The following SEC24B variants were observed in gnomAD, a reference collection of about 807,000 sequenced individuals.
SEC24B encodes SEC24 homolog B, COPII component.
Under a neutral mutation model 142.8 loss-of-function variants are expected in SEC24B, and 45 were observed. The observed-to-expected ratio is 0.32, with a 90% confidence interval of 0.25 to 0.40. The LOEUF (loss-of-function observed/expected upper bound fraction) is 0.40, where lower values mean the gene tolerates loss of function less well. Ranked by LOEUF, SEC24B falls within the 10% of genes least tolerant of loss-of-function variation. The pLI is 1.00. For missense variants in SEC24B, 1,409 were observed against 1,526.8 expected (o/e 0.92, Z 1.29); for synonymous variants, 574 against 568.2 (o/e 1.01, Z -0.15).
chr4:109,444,234 A>G (rs1729217634), intron 1 of SEC24B, among the ~76,000 whole-genome samples: 1 of 149,612 alleles, frequency 6.7e-6, no homozygotes, highest in South Asian at 2.1e-4. Context: ...AAAAAAAAAG[A>G]ATAGTTTTTA....
chr4:109,491,366 T>G lies in SEC24B; in HGVS notation c.1205T>G (p.Met402Arg). 6.2e-7 allele frequency: 1 copy of G among 1,613,816 alleles called. No individual in the cohort carries two copies. The highest frequency in any genetic ancestry group is 8.5e-7 in the Non-Finnish European group (1 of 1,179,728). Residue 402 changes from methionine (M) to arginine (R), a missense_variant, in exon 5 of 24, where the codon ATG becomes AGG. Coordinates refer to ENST00000265175, the MANE Select transcript of SEC24B (RefSeq NM_006323.5). ...SSSTTSSASP[M>R]PNSYDALEGG... is the part of the protein sequence containing the mutation. ...TCTACCACAAGCAGTGCTTCTCCAA[T>G]GCCCAACAGTTATGATGCCCTGGAA...
chr4:109,442,497 C>T (rs1729028024), intron 1 of SEC24B, among the ~76,000 whole-genome samples: 1 of 152,072 alleles, frequency 6.6e-6, no homozygotes, highest in Admixed American at 6.5e-5. Flanking sequence ...CGATCTGATT[C>T]TACCTCAAAG....
At chr4:109,506,274 A>G in intron 6 of SEC24B, 54 bp from the exon 7 acceptor site, 1 of 1,327,744 alleles carries the variant, frequency 7.5e-7, no homozygotes, top group Non-Finnish European at 9.9e-7. Context: ...TATATATAAG[A>G]AAATTTATTT....
chr4:109,481,550 T>C (rs1009824007), intron 3 of SEC24B, 127 bp from the exon 4 acceptor site: 61 of 649,104 alleles, frequency 9.4e-5, no homozygotes, highest in Non-Finnish European at 2.2e-5. Context: ...TTTGCTAATA[T>C]TAATATGCAT....
intron 11 of SEC24B, 21 bp downstream of exon 11, chr4:109,516,661 T>C: frequency 7.8e-7 from 1 of 1,282,252 alleles, no homozygotes. Context: ...TTTTAATTCA[T>C]ACTATACATA....
At position 109,458,391 on chromosome 4, in the gene SEC24B, T is replaced by G. The variant is rs182695010; in HGVS notation, c.134-4510T>G. Among the ~76,000 whole-genome samples, 349 of 152,322 alleles carry G rather than the reference T, an allele frequency of 2.3e-3. 3 individuals carry two copies. The highest frequency in any genetic ancestry group is 0.019 in the Admixed American group (290 of 15,294). ...TTGGCTTCTGGGCCCACTTTGATTC[T>G]GATCTCTACCTCCCTTATTGCTGGG... is the stretch of plus-strand genomic sequence containing the variant. On this transcript the variant is annotated intron_variant, in intron 1 of 23. Transcript: ENST00000265175.
chr4:109,510,166 G>T, intron 8 of SEC24B, 55 bp downstream of exon 8: 2 of 857,192 alleles, frequency 2.3e-6, no homozygotes, highest in East Asian at 2.9e-5. Context: ...TTATGTACAA[G>T]GTACTTAAAT....
chr4:109,434,841 GCCGCTTTCATATTAAGGTCGTGGGC>G (rs1190988202), intron 1 of SEC24B, among the ~76,000 whole-genome samples: 1 of 152,200 alleles, frequency 6.6e-6, no homozygotes, highest in Non-Finnish European at 1.5e-5. Context: ...CAGCACGAAA[GCCGCTTTCATATTAAGGTCGTGGGC>G]TTTTAGTAGG....
intron 1 of SEC24B, among the ~76,000 whole-genome samples, chr4:109,446,124 C>T (rs1265392016): frequency 6.6e-6 from 1 of 152,110 alleles, no homozygotes; most frequent in South Asian, 2.1e-4. Context: ...AATGGGTTCC[C>T]CAGCTATGTC....
At chr4:109,482,503 G>A (rs1212752703) in intron 4 of SEC24B, among the ~76,000 whole-genome samples, 1 of 152,078 alleles carries the variant, frequency 6.6e-6, no homozygotes, top group Non-Finnish European at 1.5e-5. Flanking sequence ...TCAGATTTCA[G>A]AATATTTGCT....
chr4:109,510,565 A>G (rs1737211699), intron 8 of SEC24B, among the ~76,000 whole-genome samples: 1 of 152,158 alleles, frequency 6.6e-6, no homozygotes, highest in African/African-American at 2.4e-5. Context: ...AGGTAGATAC[A>G]CTTTCGGAGT....
intron 4 of SEC24B, chr4:109,488,900 T>A (rs1734682068): frequency 1.3e-5 from 2 of 156,208 alleles, no homozygotes; most frequent in Non-Finnish European, 2.9e-5. Context: ...TTTGTTTATC[T>A]TCTTTGGATA....
At chr4:109,469,055 G>C (rs1042334259) in intron 2 of SEC24B, among the ~76,000 whole-genome samples, 1 of 152,098 alleles carries the variant, frequency 6.6e-6, no homozygotes, top group African/African-American at 2.4e-5. Context: ...GCTTTGGGAG[G>C]CTGAGGCAGA....
chr4:109,451,424 C>T (rs1396999395), intron 1 of SEC24B, among the ~76,000 whole-genome samples: 2 of 151,598 alleles, frequency 1.3e-5, no homozygotes, highest in African/African-American at 4.9e-5. Flanking sequence ...CAACCTCCTG[C>T]CCTCAAGCAA....
chr4:109,454,722 C>A (rs1561074620), intron 1 of SEC24B, among the ~76,000 whole-genome samples: 1 of 152,168 alleles, frequency 6.6e-6, no homozygotes, highest in Non-Finnish European at 1.5e-5. Context: ...GAAACTGGAA[C>A]CTTTTTTCCC....
chr4:109,503,420 T>G (rs1736373693), intron 6 of SEC24B, among the ~76,000 whole-genome samples: 1 of 152,070 alleles, frequency 6.6e-6, no homozygotes, highest in Non-Finnish European at 1.5e-5. Flanking sequence ...GAGATGGGGT[T>G]TCACCATGTT....
At chr4:109,436,599 A>G (rs144587604) in intron 1 of SEC24B, among the ~76,000 whole-genome samples, 1 of 152,350 alleles carries the variant, frequency 6.6e-6, no homozygotes, top group Non-Finnish European at 1.5e-5. Context: ...CTTGCTACTC[A>G]TAAGGAGTCT....
intron 22 of SEC24B, among the ~76,000 whole-genome samples, chr4:109,536,844 T>A (rs1251970138): frequency 5.3e-5 from 8 of 151,894 alleles, no homozygotes; most frequent in Non-Finnish European, 8.8e-5. Context: ...TTTTTTTTTT[T>A]TATAATATTA....
At chr4:109,490,513 C>T (rs543938563) in intron 4 of SEC24B, among the ~76,000 whole-genome samples, 1 of 152,134 alleles carries the variant, frequency 6.6e-6, no homozygotes, top group African/African-American at 2.4e-5. Flanking sequence ...ATAGAAGGAT[C>T]ATGCAGATTT....
Sources: gnomAD v4.1 joint callset for allele counts (sites outside exome capture counted in the v4.1 genomes callset) on GRCh38, gnomAD v4.1.1 for gene constraint, MANE v1.5 for transcripts, NCBI Gene and HGNC (gene_info 2026-07-23, HGNC 2026-07-21) for gene names.